Variants in CCDC172 observed in about 807,000 individuals in gnomAD.
CCDC172 encodes coiled-coil domain containing 172.
CCDC172 carries 30 observed loss-of-function variants against 38.0 expected under a neutral mutation model. The observed-to-expected ratio is 0.79, with a 90% confidence interval of 0.59 to 1.07. The LOEUF (loss-of-function observed/expected upper bound fraction) is 1.07. Among genes scored for constraint, CCDC172 ranks in the 50% least tolerant of loss-of-function variants. The pLI is 0.00. For missense variants in CCDC172, 297 were observed against 290.1 expected (o/e 1.02, Z -0.17); for synonymous variants, 78 against 88.3 (o/e 0.88, Z 0.66).
intron 5 of CCDC172, among the ~76,000 whole-genome samples, chr10:116,345,428 A>G (rs1416956456): frequency 6.6e-6 from 1 of 152,216 alleles, no homozygotes; most frequent in Non-Finnish European, 1.5e-5. Flanking sequence ...ATCTTGGAAT[A>G]GGCAATGATT....
chr10:116,352,511 T>C (rs913095794), intron 5 of CCDC172, among the ~76,000 whole-genome samples: 1 of 152,116 alleles, frequency 6.6e-6, no homozygotes, highest in Admixed American at 6.6e-5. Context: ...AGGAACTAAA[T>C]GGAGGATATA....
intron 7 of CCDC172, among the ~76,000 whole-genome samples, chr10:116,362,803 C>T (rs1390894908): frequency 6.6e-6 from 1 of 152,128 alleles, no homozygotes; most frequent in Non-Finnish European, 1.5e-5. Flanking sequence ...TTTCTGTTGA[C>T]TCTGCATCTT....
intron 5 of CCDC172, among the ~76,000 whole-genome samples, chr10:116,343,536 A>AT (rs1316228096): frequency 3.3e-5 from 5 of 149,290 alleles, no homozygotes; most frequent in Non-Finnish European, 5.9e-5. Context: ...TTTTTTTAAA[A>AT]AAATATATAT....
At chr10:116,354,502 T>C (rs1844969797) in intron 5 of CCDC172, among the ~76,000 whole-genome samples, 1 of 152,018 alleles carries the variant, frequency 6.6e-6, no homozygotes, top group Admixed American at 6.6e-5. Context: ...GGCAGGCAGA[T>C]TGCCTGAGCT....
rs112320477 is a variant in CCDC172 at position 116,346,769 on chromosome 10, G to A, written c.448+4568G>A. The stretch of plus-strand genomic sequence containing the variant: ...ATTTGTTTTCAGAGTACCTGATATT[G>A]TTGATTTTTTATTCTTTCAGAAAGT... On this transcript the variant is annotated intron_variant, in intron 5 of 8. Transcript: ENST00000333254. 3.3e-3 allele frequency among the ~76,000 whole-genome samples: 509 copies of A among 152,050 alleles called. 2 individuals carry two copies. Among genetic ancestry groups the A allele is most frequent in the Non-Finnish European group, 6.0e-3 (407 of 67,976 alleles).
At chr10:116,339,016 G>T (rs760914500) in intron 3 of CCDC172, among the ~76,000 whole-genome samples, 9 of 151,920 alleles carry the variant, frequency 5.9e-5, no homozygotes, top group Non-Finnish European at 1.2e-4. Context: ...ACATTCCTGG[G>T]CAGTGTCCAC....
At chr10:116,335,478 A>C (rs1389838925) in intron 3 of CCDC172, among the ~76,000 whole-genome samples, 1 of 133,196 alleles carries the variant, frequency 7.5e-6, no homozygotes, top group Non-Finnish European at 1.6e-5. Context: ...TTCATAGTTT[A>C]TATTTCTAGA....
chr10:116,375,744 A>G (rs1389669978), intron 7 of CCDC172, among the ~76,000 whole-genome samples: 1 of 152,166 alleles, frequency 6.6e-6, no homozygotes, highest in African/African-American at 2.4e-5. Context: ...TTCTCAAAAG[A>G]AGACATTTAT....
chr10:116,358,764 T>C (rs935778001), intron 7 of CCDC172, among the ~76,000 whole-genome samples: 1 of 152,178 alleles, frequency 6.6e-6, no homozygotes, highest in Non-Finnish European at 1.5e-5. Context: ...ATCAATCTCT[T>C]GGGTGATATG....
chr10:116,374,017 C>G (rs1350275580), intron 7 of CCDC172, among the ~76,000 whole-genome samples: 6 of 152,124 alleles, frequency 3.9e-5, no homozygotes, highest in Non-Finnish European at 8.8e-5. Flanking sequence ...GCACACCATT[C>G]TGAGTAGCAT....
chr10:116,325,531 CT>C (rs1012407304), intron 3 of CCDC172, 143 bp downstream of exon 3: 1 of 619,956 alleles, frequency 1.6e-6, no homozygotes, highest in African/African-American at 1.9e-5. Flanking sequence ...TCCATGTTGC[CT>C]GGTGATGTTT....
chr10:116,327,623 A>G (rs1365860057), intron 3 of CCDC172, among the ~76,000 whole-genome samples: 2 of 152,116 alleles, frequency 1.3e-5, no homozygotes, highest in Non-Finnish European at 2.9e-5. Context: ...ACTAATTAAT[A>G]TAGGTTCATA....
chr10:116,325,164 C>G (rs1589944400), intron 2 of CCDC172, 74 bp downstream of exon 2: 2 of 1,542,492 alleles, frequency 1.3e-6, no homozygotes, highest in East Asian at 2.3e-5. Context: ...AAGGAAATCC[C>G]GAAGGCAGTG....
chr10:116,352,334 T>C (rs1430712772), intron 5 of CCDC172, among the ~76,000 whole-genome samples: 1 of 152,008 alleles, frequency 6.6e-6, no homozygotes, highest in Non-Finnish European at 1.5e-5. Flanking sequence ...TGGTATACAG[T>C]CAAAAATTAC....
Position 116,340,802 on chromosome 10 carries a change from A to G in CCDC172, c.234A>G (p.Lys78=). 2 of 1,605,836 alleles carry G rather than the reference A, an allele frequency of 1.2e-6. No homozygotes were observed. The highest frequency in any genetic ancestry group is 1.7e-6 in the Non-Finnish European group (2 of 1,174,868). The part of the protein sequence containing the change: ...LLKAHENALE[K]QYSEITNHRN... ...AAGCTCATGAAAATGCTTTAGAAAA[A>G]CAGTACAGTGAAATTACAAACCATA... Residue 78 remains lysine, a synonymous_variant, in exon 4 of 9, where the codon AAA becomes AAG. Coordinates refer to ENST00000333254, the MANE Select transcript of CCDC172 (RefSeq NM_198515.3).
intron 3 of CCDC172, among the ~76,000 whole-genome samples, chr10:116,336,450 A>T (rs1245970942): frequency 6.6e-6 from 1 of 151,502 alleles, no homozygotes; most frequent in Non-Finnish European, 1.5e-5. Flanking sequence ...TTCCTTGCTA[A>T]CTATATTAGG....
intron 5 of CCDC172, among the ~76,000 whole-genome samples, chr10:116,347,286 G>A (rs549028124): frequency 2.0e-5 from 3 of 152,252 alleles, no homozygotes; most frequent in African/African-American, 4.8e-5. Context: ...CATCACCTAG[G>A]GAGAGAGTAT....
chr10:116,353,978 A>G (rs987901290), intron 5 of CCDC172, among the ~76,000 whole-genome samples: 2 of 152,324 alleles, frequency 1.3e-5, no homozygotes, highest in South Asian at 2.1e-4. Context: ...ATATGATTCA[A>G]TGATTCCACT....
chr10:116,355,874 T>A (rs1844989274), intron 5 of CCDC172, among the ~76,000 whole-genome samples: 1 of 151,840 alleles, frequency 6.6e-6, no homozygotes, highest in African/African-American at 2.4e-5. Context: ...GTGGGGGGAG[T>A]GAAATGTTCC....
Sources: allele counts gnomAD v4.1 joint callset (sites outside exome capture counted in the v4.1 genomes callset), GRCh38; gene constraint gnomAD v4.1.1; transcripts MANE v1.5; gene names NCBI Gene and HGNC (gene_info 2026-07-23, HGNC 2026-07-21).